The following GRAMD1A variants were observed in gnomAD, a reference collection of about 807,000 sequenced individuals.
GRAMD1A encodes GRAM domain containing 1A, also known as protein Aster-A.
A neutral mutation model predicts 92.0 loss-of-function variants in GRAMD1A; 50 were observed. The observed-to-expected ratio is 0.54, with a 90% confidence interval of 0.43 to 0.69. GRAMD1A has a LOEUF of 0.69. GRAMD1A is among the 30% of genes least tolerant of loss of function. GRAMD1A has a pLI of 0.00. For synonymous variants in GRAMD1A, 405 were observed against 403.6 expected (o/e 1.00, Z -0.04); for missense variants, 819 against 978.9 (o/e 0.84, Z 2.18).
chr19:35,011,317 G>A (rs1008639083), intron 6 of GRAMD1A, among the ~76,000 whole-genome samples, 157 bp from the exon 7 acceptor site: 4 of 152,172 alleles, frequency 2.6e-5, no homozygotes, highest in Non-Finnish European at 2.9e-5. Flanking sequence ...AGGGCCGGGC[G>A]CAGGACAGAC....
In GRAMD1A at chr19:35,019,057, G is replaced by A. The variant is rs879012203; in HGVS notation, c.1214-134G>A. On this transcript the variant is annotated intron_variant, in intron 11 of 19. Coordinates refer to ENST00000317991, the MANE Select transcript of GRAMD1A (RefSeq NM_020895.5). ...AGCTAAGGTTTTAGGCTCCTGGAAGGAAGGTGGGGACACAGAGGAGTGGTG... is the reference window on the plus strand; with the variant it reads ...AGCTAAGGTTTTAGGCTCCTGGAAGAAAGGTGGGGACACAGAGGAGTGGTG... 7 of 677,470 alleles carry A rather than the reference G, an allele frequency of 1.0e-5. No individual in the cohort carries two copies. In the South Asian group the frequency reaches 1.1e-4, roughly 11 times the overall value. 42.0% of individuals were successfully genotyped at this position (677,470 alleles called of 1,614,324 possible).
rs760215740 is a variant in GRAMD1A at position 35,019,527 on chromosome 19, G to A, written c.1469G>A (p.Arg490Gln). ...CTGGGTCTGGCCCGGAACAAGGCGC[G>A]GCTCCGGTGAGTGGTGGCTGGGCCC... is the stretch of plus-strand genomic sequence containing the variant. ...CILGLARNKA[R>Q]LRVSSEIRYR... Residue 490 changes from arginine (R) to glutamine (Q), a missense_variant, in exon 13 of 20, where the codon CGG becomes CAG. Around this residue, in one of 3 missense-constraint regions of GRAMD1A, gnomAD observed 577 missense variants for 674.6 expected, o/e 0.86. Transcript: ENST00000317991. 1.2e-5 allele frequency: 19 copies of A among 1,613,792 alleles called. No homozygotes were observed. The highest frequency in any genetic ancestry group is 1.6e-5 in the Non-Finnish European group (19 of 1,179,944).
chr19:35,014,445 TAAGC>T, intron 10 of GRAMD1A, 58 bp downstream of exon 10: 1 of 1,462,958 alleles, frequency 6.8e-7, no homozygotes, highest in Non-Finnish European at 9.6e-7. Context: ...CGCTCAGTCT[TAAGC>T]AAGAGGGGAT....
rs1362619939 is a variant in GRAMD1A, at chr19:35,019,376, G to C, written c.1333-15G>C. The C allele has an allele frequency of 2.5e-6, 4 of 1,613,498 alleles. No individual in the cohort carries two copies. In the Middle Eastern group the frequency reaches 4.9e-4, roughly 199 times the overall value. On this transcript the variant is annotated splice_polypyrimidine_tract_variant and intron_variant, in intron 12 of 19. Coordinates refer to ENST00000317991, the MANE Select transcript of GRAMD1A (RefSeq NM_020895.5). ...GAGTGGGGTGGCCCTGACTTCTCCG[G>C]CTCTGTCCCTGCAGACGCTGTTCCG...
At chr19:35,020,236 A>AT (rs199890454) in intron 13 of GRAMD1A, among the ~76,000 whole-genome samples, 7 of 152,022 alleles carry the variant, frequency 4.6e-5, no homozygotes, top group South Asian at 2.1e-4. Flanking sequence ...TACAAAAACA[A>AT]TTTTTTTTAA....
intron 1 of GRAMD1A, chr19:35,002,323 G>C (rs1276076917): frequency 1.3e-5 from 2 of 152,318 alleles, no homozygotes; most frequent in Non-Finnish European, 2.9e-5. Context: ...CCCAAGTCCT[G>C]CTTGACTGTG....
rs372868357 is a variant in GRAMD1A, at chr19:35,021,553, G to T, written c.1527G>T (p.Ser509=). The part of the protein sequence containing the change: ...YRKQPWSLVK[S]LIEKNSWSGI... ...AGCAGCCGTGGAGCCTGGTGAAGTC[G>T]CTCATTGAGAAGAACTCGTGGAGCG... is the stretch of plus-strand genomic sequence containing the variant. The change falls in exon 14 of 20, where the codon TCG becomes TCT. Residue 509 remains serine, a synonymous_variant. Coordinates refer to ENST00000317991, the MANE Select transcript of GRAMD1A (RefSeq NM_020895.5). The surrounding 1 kb of genome is among the most constrained non-coding windows in gnomAD (Gnocchi z 5.3). 2 of 1,613,996 alleles carry T rather than the reference G, an allele frequency of 1.2e-6. No homozygotes were observed. Among genetic ancestry groups the T allele is most frequent in the Non-Finnish European group, 1.7e-6 (2 of 1,179,968 alleles).
intron 3 of GRAMD1A, chr19:35,009,660 A>G: frequency 1.6e-6 from 1 of 641,264 alleles, no homozygotes; most frequent in Non-Finnish European, 2.8e-6. Flanking sequence ...CCCACCTTAC[A>G]AGGCTGAAGG....
At chr19:35,023,789 C>T (rs957952030) in intron 19 of GRAMD1A, 12 of 431,452 alleles carry the variant, frequency 2.8e-5, no homozygotes, top group South Asian at 5.1e-5. Flanking sequence ...ACATTAGGCA[C>T]GGCCGGGTTT....
chr19:34,999,217 G>A (rs959963127), upstream of GRAMD1A, among the ~76,000 whole-genome samples: 6 of 152,170 alleles, frequency 3.9e-5, no homozygotes, highest in Non-Finnish European at 7.3e-5. Context: ...GGAGCCCACA[G>A]TTTGTGACGG....
At chr19:35,019,772 C>A (rs1023517858) in intron 13 of GRAMD1A, among the ~76,000 whole-genome samples, 4 of 152,166 alleles carry the variant, frequency 2.6e-5, no homozygotes, top group African/African-American at 9.7e-5. Context: ...CAAAGCCAGG[C>A]AATATCACCT....
At position 35,013,450 on chromosome 19, in the gene GRAMD1A, GC is replaced by G; in HGVS notation, c.719+84del. 2.0e-6 allele frequency: 3 copies of G among 1,523,974 alleles called. No homozygotes were observed. Among genetic ancestry groups the G allele is most frequent in the East Asian group, 2.3e-5 (1 of 43,978 alleles). 94.4% of individuals were successfully genotyped at this position (1,523,974 alleles called of 1,614,324 possible). A position where few individuals can be genotyped will look rare whatever the true frequency, so the allele number is the denominator to read the frequency against. ...TGCAGAGTTCCTGGAGTGCTGGGGGGCCTGAGATGGTTGTATGACGTCTGGA... is the reference window on the plus strand; with the variant it reads ...TGCAGAGTTCCTGGAGTGCTGGGGGGCTGAGATGGTTGTATGACGTCTGGA... On this transcript the variant is annotated intron_variant, in intron 8 of 19. Transcript: ENST00000317991. The surrounding 1 kb of genome is among the most constrained non-coding windows in gnomAD (Gnocchi z 4.9).
chr19:35,008,036 TAGG>T lies in GRAMD1A; in HGVS notation c.9-1079_9-1077del, dbSNP rs371115790. ...TGAATCAGTAAGTTAATTTTAAAAA[TAGG>T]AGGTATAGGCCAGGCGCGGTGGCTC... On this transcript the variant is annotated intron_variant, in intron 1 of 19. Coordinates refer to ENST00000317991, the MANE Select transcript of GRAMD1A (RefSeq NM_020895.5). 2.9e-3 allele frequency among the ~76,000 whole-genome samples: 440 copies of T among 152,100 alleles called. 9 individuals carry two copies. The highest frequency in any genetic ancestry group is 0.01 in the African/African-American group (419 of 41,484).
rs1358737652 is a variant in GRAMD1A at position 35,015,866 on chromosome 19, T to G, written c.1112T>G (p.Leu371Arg). 2 of 1,614,138 alleles carry G rather than the reference T, an allele frequency of 1.2e-6. No individual in the cohort carries two copies. Among genetic ancestry groups the G allele is most frequent in the Admixed American group, 3.3e-5 (2 of 60,010 alleles). The change falls in exon 11 of 20, where the codon CTC becomes CGC. Residue 371 changes from leucine to arginine, a missense_variant. Leu to Arg is a moderately radical substitution (Grantham distance 102). Coordinates refer to ENST00000317991, the MANE Select transcript of GRAMD1A (RefSeq NM_020895.5). ...ALLPDLSGRL[L>R]INSVFHVGAE... ...CTTCCCGACCTCTCCGGCCGCCTCC[T>G]CATCAACTCTGTCTTCCATGTGGGC...
rs202114595 is a variant in GRAMD1A, at chr19:35,014,257, G to A, written c.939G>A (p.Pro313=). The A allele has an allele frequency of 4.6e-5, 74 of 1,613,994 alleles. No homozygotes were observed. Among genetic ancestry groups the A allele is most frequent in the Non-Finnish European group, 5.7e-5 (67 of 1,179,982 alleles). The change falls in exon 10 of 20, where the codon CCG becomes CCA. Residue 313 remains proline, a synonymous_variant. Coordinates refer to ENST00000317991, the MANE Select transcript of GRAMD1A (RefSeq NM_020895.5). The part of the protein sequence containing the change: ...PDASSSQTVT[P]VAEPPSTEPT... The stretch of plus-strand genomic sequence containing the variant: ...CCTCCTCCAGCCAGACAGTGACCCC[G>A]GTGGCTGAACCCCCGAGCACAGAGC...
chr19:35,010,412 TC>T, intron 6 of GRAMD1A, 33 bp downstream of exon 6: 1 of 1,436,212 alleles, frequency 7.0e-7, no homozygotes, highest in Non-Finnish European at 9.8e-7. Flanking sequence ...GACCACGCGG[TC>T]CCCCGCTCAG....
rs1018608047 is a variant in GRAMD1A, at chr19:35,022,480, G to A, written c.1842-420G>A. On this transcript the variant is annotated intron_variant, in intron 16 of 19. Transcript: ENST00000317991. ...CACCAGACCAGAGTGATCCGGGCTG[G>A]GATGGGGGAGGTATGGGCAGAGGGG... is the stretch of plus-strand genomic sequence containing the variant. 2.0e-5 allele frequency among the ~76,000 whole-genome samples: 3 copies of A among 152,192 alleles called. No individual in the cohort carries two copies. In the South Asian group the frequency reaches 6.2e-4, roughly 32 times the overall value.
In GRAMD1A at chr19:35,019,243, G is replaced by A; in HGVS notation, c.1266G>A (p.Val422=). 1.2e-6 allele frequency: 2 copies of A among 1,613,514 alleles called. No individual in the cohort carries two copies. The highest frequency in any genetic ancestry group is 1.7e-6 in the Non-Finnish European group (2 of 1,179,590). ...SGDSKCHQRR[V]LTYTIPISNP... is the part of the protein sequence containing the mutation. Reference sequence around the variant, plus strand: ...ACAGCAAGTGCCACCAGCGCCGGGTGCTGACGTACACCATCCCCATCAGCA... The same window carrying A: ...ACAGCAAGTGCCACCAGCGCCGGGTACTGACGTACACCATCCCCATCAGCA... The change falls in exon 12 of 20, where the codon GTG becomes GTA. Residue 422 remains valine, a synonymous_variant. Coordinates refer to ENST00000317991, the MANE Select transcript of GRAMD1A (RefSeq NM_020895.5).
At chr19:35,010,442 C>T (rs987702215) in intron 6 of GRAMD1A, 63 bp downstream of exon 6, 5 of 1,042,044 alleles carry the variant, frequency 4.8e-6, no homozygotes, top group Non-Finnish European at 7.6e-6. Flanking sequence ...CTCCCCCAAA[C>T]ATGCAAAGCC....
Sources: allele counts gnomAD v4.1 joint callset (sites outside exome capture counted in the v4.1 genomes callset), GRCh38; gene constraint gnomAD v4.1.1; regional missense constraint gnomAD v4.1.1; non-coding constraint Gnocchi (gnomAD v3.1); transcripts MANE v1.5; gene names NCBI Gene and HGNC (gene_info 2026-07-23, HGNC 2026-07-21).